Variants in THSD7B observed in about 807,000 individuals in gnomAD.
The protein encoded by THSD7B is thrombospondin type 1 domain containing 7B, also known as thrombospondin type-1 domain-containing protein 7B.
Under a neutral mutation model 213.6 loss-of-function variants are expected in THSD7B, and 138 were observed. The observed-to-expected ratio is 0.65, with a 90% CI of 0.56 to 0.74. The LOEUF (loss-of-function observed/expected upper bound fraction) is 0.74. Among genes scored for constraint, THSD7B ranks in the 30% least tolerant of loss-of-function variants. The pLI is 0.00. For synonymous variants in THSD7B, 742 were observed against 687.0 expected, an observed-to-expected ratio of 1.08 and a Z score of -1.25; for missense variants, 1,931 against 1,991.5, an observed-to-expected ratio of 0.97 and a Z score of 0.58.
intron 7 of THSD7B, among the ~76,000 whole-genome samples, chr2:137,207,669 A>G (rs1280412766): frequency 6.6e-6 from 1 of 152,054 alleles, no homozygotes; most frequent in Non-Finnish European, 1.5e-5. Context: ...ATTGGTAGAC[A>G]TTTGGAGAGT....
At position 137,231,216 on chromosome 2, in the gene THSD7B, C is replaced by G. The variant is rs1681633019; in HGVS notation, c.1896C>G (p.Ile632Met). Reference protein sequence around the residue: ...SDGKQTRSRTILALAGEGGKP... With the variant: ...SDGKQTRSRTMLALAGEGGKP... ...GGAAACAGACCAGGTCAAGAACTAT[C>G]CTGGCACTGGCTGGGGAAGGTGAGT... Residue 632 changes from isoleucine to methionine, a missense_variant, in exon 8 of 28, where the codon ATC (isoleucine) becomes ATG (methionine). Coordinates refer to ENST00000409968, the MANE Select transcript of THSD7B (RefSeq NM_001316349.2). 1.2e-6 allele frequency: 2 copies of G among 1,610,818 alleles called. No individual in the cohort carries two copies. The highest frequency in any genetic ancestry group is 1.7e-6 in the Non-Finnish European group (2 of 1,178,306).
chr2:137,233,224 G>T, intron 9 of THSD7B, 91 bp downstream of exon 9: 4 of 1,236,674 alleles, frequency 3.2e-6, no homozygotes, highest in Non-Finnish European at 4.5e-6. Flanking sequence ...AGATATTTCT[G>T]GGTCTCTGAT....
At chr2:136,807,754 C>T (rs370459356) in intron 1 of THSD7B, among the ~76,000 whole-genome samples, 5 of 152,122 alleles carry the variant, frequency 3.3e-5, no homozygotes, top group African/African-American at 1.2e-4. Context: ...GATCCACCCG[C>T]CTCGGCCTCT....
At chr2:137,414,791 C>T (rs145999444) in intron 14 of THSD7B, among the ~76,000 whole-genome samples, 4 of 152,056 alleles carry the variant, frequency 2.6e-5, no homozygotes, top group African/African-American at 9.7e-5. Context: ...TGCAGTGGCT[C>T]ATGCCTGTAA....
intron 2 of THSD7B, among the ~76,000 whole-genome samples, chr2:136,996,173 C>T (rs1386516089): frequency 6.6e-6 from 1 of 152,114 alleles, no homozygotes; most frequent in African/African-American, 2.4e-5. Context: ...TTTCTATTTT[C>T]CTTCGTCTGT....
At chr2:137,083,135 G>T (rs1020825809) in intron 3 of THSD7B, among the ~76,000 whole-genome samples, 1 of 152,062 alleles carries the variant, frequency 6.6e-6, no homozygotes. Flanking sequence ...TTTTAACAGT[G>T]CAGGTTTATT....
chr2:137,200,473 A>G (rs1237569547), intron 7 of THSD7B, among the ~76,000 whole-genome samples: 6 of 152,030 alleles, frequency 3.9e-5, no homozygotes, highest in Non-Finnish European at 8.8e-5. Flanking sequence ...TTTTTAAAGA[A>G]CATTTTTAGT....
chr2:137,129,123 C>A (rs116396721), intron 5 of THSD7B, among the ~76,000 whole-genome samples: 2,108 of 152,004 alleles, frequency 0.014, 59 homozygotes, highest in African/African-American at 0.048. Flanking sequence ...AAATCTGTAA[C>A]CTTTTATAAA....
At chr2:137,188,078 T>C (rs1012987443) in intron 7 of THSD7B, among the ~76,000 whole-genome samples, 3 of 152,206 alleles carry the variant, frequency 2.0e-5, no homozygotes, top group African/African-American at 7.2e-5. Context: ...TCATGGTAGG[T>C]ACTCGATATT....
chr2:137,569,363 C>T (rs1039717109), intron 16 of THSD7B, among the ~76,000 whole-genome samples: 5 of 152,138 alleles, frequency 3.3e-5, no homozygotes, highest in African/African-American at 4.8e-5. Flanking sequence ...TTTACTTAAA[C>T]CTCTGTTTAC....
intron 9 of THSD7B, among the ~76,000 whole-genome samples, chr2:137,238,564 T>TTTTTG (rs1553481982): frequency 1.2e-5 from 1 of 83,406 alleles, no homozygotes; most frequent in Non-Finnish European, 2.6e-5. Flanking sequence ...TTTTTTTTTT[T>TTTTTG]GAGACGGAGT....
intron 1 of THSD7B, among the ~76,000 whole-genome samples, chr2:136,788,419 T>C (rs927519362): frequency 6.6e-6 from 1 of 152,218 alleles, no homozygotes; most frequent in African/African-American, 2.4e-5. Flanking sequence ...TTATTCAAAT[T>C]GCAGTGCCCC....
At chr2:137,532,432 C>G (rs879416868) in intron 15 of THSD7B, among the ~76,000 whole-genome samples, 4 of 151,748 alleles carry the variant, frequency 2.6e-5, no homozygotes, top group Non-Finnish European at 5.9e-5. Flanking sequence ...CTAGATTATT[C>G]TGTTTCTCTG....
At chr2:136,799,435 C>T (rs1225110476) in intron 1 of THSD7B, among the ~76,000 whole-genome samples, 1 of 151,960 alleles carries the variant, frequency 6.6e-6, no homozygotes. Flanking sequence ...TTCATAGATT[C>T]CATTTTTTTG....
intron 15 of THSD7B, among the ~76,000 whole-genome samples, chr2:137,534,591 A>G (rs1680466849): frequency 6.6e-6 from 1 of 151,804 alleles, no homozygotes; most frequent in African/African-American, 2.4e-5. Flanking sequence ...AACTAAACAC[A>G]AAATAATGCT....
At chr2:137,509,216 C>T (rs1369534560) in intron 15 of THSD7B, among the ~76,000 whole-genome samples, 1 of 152,034 alleles carries the variant, frequency 6.6e-6, no homozygotes, top group Non-Finnish European at 1.5e-5. Flanking sequence ...CCTAAGGTCA[C>T]CTTCCTGTCT....
At chr2:136,910,032 A>G (rs1365604509) in intron 2 of THSD7B, among the ~76,000 whole-genome samples, 2 of 152,114 alleles carry the variant, frequency 1.3e-5, no homozygotes, top group East Asian at 3.9e-4. Flanking sequence ...CTGTGGGGAA[A>G]TATCTCTGCT....
intron 14 of THSD7B, among the ~76,000 whole-genome samples, chr2:137,422,462 G>A (rs938230450): frequency 6.6e-6 from 1 of 152,120 alleles, no homozygotes; most frequent in Non-Finnish European, 1.5e-5. Flanking sequence ...CATTTGAAGA[G>A]AAAATTCAGC....
chr2:137,378,622 A>T (rs969023406), intron 12 of THSD7B, among the ~76,000 whole-genome samples: 1 of 152,106 alleles, frequency 6.6e-6, no homozygotes. Context: ...TGGACTTAGG[A>T]TTCCTAACAG....
Sources: allele counts gnomAD v4.1 joint callset (sites outside exome capture counted in the v4.1 genomes callset), GRCh38; gene constraint gnomAD v4.1.1; transcripts MANE v1.5; gene names NCBI Gene and HGNC (gene_info 2026-07-23, HGNC 2026-07-21).